The following TSPAN5 variants were observed in gnomAD, a reference collection of about 807,000 sequenced individuals.
TSPAN5 encodes the protein tetraspanin-5.
A neutral mutation model predicts 37.1 loss-of-function variants in TSPAN5; 10 were observed. The observed-to-expected ratio is 0.27, with a 90% CI of 0.17 to 0.46. The LOEUF (loss-of-function observed/expected upper bound fraction) is 0.46, where lower values mean the gene tolerates loss of function less well. Ranked by LOEUF, TSPAN5 falls within the 20% of genes least tolerant of loss-of-function variation. The probability of loss-of-function intolerance (pLI) is 1.00; values close to 1 mark genes in which losing one functional copy is unlikely to be tolerated. For synonymous variants in TSPAN5, 110 were observed against 118.9 expected (o/e 0.93, Z 0.48); for missense variants, 195 against 326.6 (o/e 0.60, Z 3.11).
chr4:98,499,000 C>T (rs762610599), intron 2 of TSPAN5, among the ~76,000 whole-genome samples: 8 of 152,092 alleles, frequency 5.3e-5, no homozygotes, highest in Admixed American at 2.0e-4. Flanking sequence ...TGCCTGCAGG[C>T]GTGTGAAGAA....
chr4:98,625,440 T>C (rs1579039640), intron 1 of TSPAN5, among the ~76,000 whole-genome samples: 3 of 152,324 alleles, frequency 2.0e-5, no homozygotes, highest in African/African-American at 7.2e-5. Context: ...ACCCAGTTAA[T>C]CAAGGTAAGA....
At chr4:98,611,558 G>A (rs927634741) in intron 1 of TSPAN5, among the ~76,000 whole-genome samples, 4 of 152,272 alleles carry the variant, frequency 2.6e-5, no homozygotes, top group Non-Finnish European at 5.9e-5. Flanking sequence ...TATGCCAGAT[G>A]CTTACCAACA....
chr4:98,519,765 T>G (rs1011422925), intron 1 of TSPAN5, among the ~76,000 whole-genome samples: 5 of 152,192 alleles, frequency 3.3e-5, no homozygotes, highest in Non-Finnish European at 7.3e-5. Flanking sequence ...TTCTGACTCT[T>G]GCACAAGGAA....
chr4:98,548,886 G>GGGGTGT (rs373285784), intron 1 of TSPAN5, among the ~76,000 whole-genome samples: 3,406 of 57,432 alleles, frequency 0.059, 96 homozygotes, highest in African/African-American at 0.14. Context: ...AGTATTCCAA[G>GGGGTGT]GTGTGTGTGT....
intron 1 of TSPAN5, among the ~76,000 whole-genome samples, chr4:98,586,591 T>C (rs1755492456): frequency 6.6e-6 from 1 of 152,256 alleles, no homozygotes; most frequent in Non-Finnish European, 1.5e-5. Context: ...GAGGAATTTA[T>C]TTGGGGCTTT....
intron 1 of TSPAN5, among the ~76,000 whole-genome samples, chr4:98,582,500 T>C (rs78648801): frequency 0.028 from 4,247 of 152,344 alleles, 99 homozygotes; most frequent in Middle Eastern, 0.058. Flanking sequence ...TGCTTTCCGT[T>C]TTGACAGTCA....
chr4:98,609,546 T>C (rs955118184), intron 1 of TSPAN5, among the ~76,000 whole-genome samples: 17 of 151,926 alleles, frequency 1.1e-4, no homozygotes, highest in Non-Finnish European at 2.1e-4. Flanking sequence ...GACACAAGAG[T>C]GGAGCAGTGA....
At chr4:98,581,487 G>A (rs998543313) in intron 1 of TSPAN5, among the ~76,000 whole-genome samples, 1 of 152,150 alleles carries the variant, frequency 6.6e-6, no homozygotes, top group Admixed American at 6.5e-5. Context: ...AGGCAACTCT[G>A]CTCTTGTCTC....
intron 2 of TSPAN5, among the ~76,000 whole-genome samples, chr4:98,501,984 G>T (rs1375473743): frequency 5.9e-5 from 9 of 152,226 alleles, no homozygotes; most frequent in Non-Finnish European, 1.3e-4. Context: ...GGGTATAACA[G>T]CGGAGGTGGT....
At chr4:98,555,961 C>T (rs1051494183) in intron 1 of TSPAN5, among the ~76,000 whole-genome samples, 4 of 151,448 alleles carry the variant, frequency 2.6e-5, no homozygotes, top group African/African-American at 9.7e-5. Context: ...TGAAAAATCA[C>T]TCCACACACG....
chr4:98,557,354 G>A (rs537459478), intron 1 of TSPAN5, among the ~76,000 whole-genome samples: 17 of 152,268 alleles, frequency 1.1e-4, no homozygotes, highest in East Asian at 1.9e-4. Flanking sequence ...CACTTCTGGC[G>A]TGCTACTAAG....
chr4:98,517,252 G>A (rs145633183), intron 1 of TSPAN5, among the ~76,000 whole-genome samples: 6 of 152,272 alleles, frequency 3.9e-5, no homozygotes, highest in African/African-American at 4.8e-5. Flanking sequence ...TGGGCAAGAT[G>A]TTGTTACTTG....
chr4:98,525,232 C>T (rs1312878512), intron 1 of TSPAN5, among the ~76,000 whole-genome samples: 3 of 152,224 alleles, frequency 2.0e-5, no homozygotes, highest in Non-Finnish European at 2.9e-5. Context: ...TGGTGTACAG[C>T]AGGTCTTCGA....
intron 1 of TSPAN5, among the ~76,000 whole-genome samples, chr4:98,615,294 A>C (rs1055428883): frequency 1.1e-4 from 17 of 152,156 alleles, no homozygotes; most frequent in African/African-American, 4.1e-4. Flanking sequence ...AATTCACACA[A>C]GCCTGGAAAC....
intron 1 of TSPAN5, among the ~76,000 whole-genome samples, chr4:98,522,248 G>C (rs1226340417): frequency 6.6e-6 from 1 of 152,156 alleles, no homozygotes; most frequent in Non-Finnish European, 1.5e-5. Flanking sequence ...AATTCAGAAA[G>C]CTTCTTTAAA....
At position 98,490,993 on chromosome 4, in the gene TSPAN5, C is replaced by T. The variant is rs567672609; in HGVS notation, c.133-4109G>A. On this transcript the variant is annotated intron_variant, in intron 2 of 7. Coordinates refer to ENST00000305798, the MANE Select transcript of TSPAN5 (RefSeq NM_005723.4). ...AGAAGAATGGCGTGAACCCGGGAGG[C>T]GGAGCTTGCAGTGAGCCGATATCGC... Among the ~76,000 whole-genome samples, 4 of 151,826 alleles carry T rather than the reference C, an allele frequency of 2.6e-5. No individual in the cohort carries two copies. The East Asian group carries it at 7.8e-4, about 30-fold the overall frequency.
intron 1 of TSPAN5, among the ~76,000 whole-genome samples, chr4:98,582,615 G>A (rs959452531): frequency 5.3e-5 from 8 of 152,264 alleles, no homozygotes; most frequent in Admixed American, 2.6e-4. Context: ...CACAAATCTC[G>A]TGGCAAATAA....
At chr4:98,608,475 G>A (rs184644094) in intron 1 of TSPAN5, among the ~76,000 whole-genome samples, 98 of 152,256 alleles carry the variant, frequency 6.4e-4, no homozygotes, top group Middle Eastern at 6.8e-3. Context: ...ACAGCAAGCT[G>A]CATGTTCCTA....
Position 98,505,399 on chromosome 4 carries a change from T to C in TSPAN5, c.132+2279A>G, listed in dbSNP as rs537047987. ...CCTTCTAGGCCTACTGGCCTTCTTG[T>C]TGTTCCCTGGAGTCACCAAAGTCCC... On this transcript the variant is annotated intron_variant, in intron 2 of 7. Coordinates refer to ENST00000305798, the MANE Select transcript of TSPAN5 (RefSeq NM_005723.4). Among the ~76,000 whole-genome samples, 23 of 152,282 alleles carry C rather than the reference T, an allele frequency of 1.5e-4. No homozygotes were observed. The South Asian group carries it at 2.5e-3, about 17-fold the overall frequency.
Sources: allele counts gnomAD v4.1 joint callset (sites outside exome capture counted in the v4.1 genomes callset), GRCh38; gene constraint gnomAD v4.1.1; transcripts MANE v1.5; gene names NCBI Gene and HGNC (gene_info 2026-07-23, HGNC 2026-07-21).